KANSL1: variants seen among roughly 807,000 people sequenced by gnomAD.
KANSL1 encodes MLL1/MLL complex subunit KANSL1.
A neutral mutation model predicts 103.6 loss-of-function variants in KANSL1; 22 were observed. The ratio of observed to expected loss-of-function variants is 0.21; its 90% CI spans 0.15 to 0.30. KANSL1 has a LOEUF of 0.30. Among genes scored for constraint, KANSL1 ranks in the 10% least tolerant of loss-of-function variants. The probability of loss-of-function intolerance (pLI) is 1.00; values close to 1 mark genes in which losing one functional copy is unlikely to be tolerated. For synonymous variants in KANSL1, 600 were observed against 527.6 expected (o/e 1.14, Z -1.88); for missense variants, 1,337 against 1,399.8 (o/e 0.96, Z 0.72).
At chr17:46,145,589 T>C (rs1312112623) in intron 2 of KANSL1, among the ~76,000 whole-genome samples, 1 of 152,204 alleles carries the variant, frequency 6.6e-6, no homozygotes, top group Non-Finnish European at 1.5e-5. Context: ...TTTTATAAGA[T>C]CATGTTTGAA....
rs147877861 is a variant in KANSL1, at chr17:46,038,381, T to G, written c.2541+157A>C. 4,239 of 765,326 alleles carry G rather than the reference T, an allele frequency of 5.5e-3. 17 individuals carry two copies. The highest frequency in any genetic ancestry group is 7.2e-3 in the Non-Finnish European group (3,515 of 489,408). 47.4% of individuals were successfully genotyped at this position (765,326 alleles called of 1,614,324 possible). A position where few individuals can be genotyped will look rare whatever the true frequency, so the allele number is the denominator to read the frequency against. ...AAGGTCAAGTACCATGACTTTGACT[T>G]AAAAATGGTACAGACATACATACAT... On this transcript the variant is annotated intron_variant, in intron 10 of 14. Transcript: ENST00000432791.
chr17:46,154,103 C>G (rs1247109636), intron 2 of KANSL1, among the ~76,000 whole-genome samples: 2 of 152,192 alleles, frequency 1.3e-5, no homozygotes, highest in Non-Finnish European at 2.9e-5. Context: ...AAAACGATGT[C>G]TAGTTTGGCA....
chr17:46,130,994 A>G (rs923112826), intron 2 of KANSL1, among the ~76,000 whole-genome samples: 21 of 152,220 alleles, frequency 1.4e-4, no homozygotes, highest in African/African-American at 4.8e-4. Context: ...CTCCCAGCAC[A>G]TGAAGAAGAC....
In KANSL1 at chr17:46,172,154, G is replaced by A. The variant is rs751870988; in HGVS notation, c.-11C>T. Reference sequence around the variant, plus strand: ...CGCCATCGCAGCCATTCAGCACAGAGAGACAGGAAGTCCAGCCTCTCCCGA... The same window carrying A: ...CGCCATCGCAGCCATTCAGCACAGAAAGACAGGAAGTCCAGCCTCTCCCGA... On this transcript the variant is annotated 5_prime_UTR_variant, in exon 2 of 15. Transcript: ENST00000432791. 4 of 1,599,492 alleles carry A rather than the reference G, an allele frequency of 2.5e-6. No individual in the cohort carries two copies. Among genetic ancestry groups the A allele is most frequent in the Admixed American group, 1.7e-5 (1 of 59,698 alleles).
chr17:46,135,189 A>T (rs2044066263), intron 2 of KANSL1, among the ~76,000 whole-genome samples: 1 of 152,252 alleles, frequency 6.6e-6, no homozygotes, highest in East Asian at 1.9e-4. Context: ...TTAGAAATAG[A>T]TTCTGAAATA....
At chr17:46,146,079 A>AG (rs2044684669) in intron 2 of KANSL1, among the ~76,000 whole-genome samples, 2 of 152,212 alleles carry the variant, frequency 1.3e-5, no homozygotes, top group Admixed American at 1.3e-4. Flanking sequence ...TCTCTACTCT[A>AG]GCAGCTAAAG....
intron 1 of KANSL1, among the ~76,000 whole-genome samples, chr17:46,176,691 TA>T (rs56676109): frequency 0.26 from 36,896 of 141,250 alleles, 5,271 homozygotes; most frequent in South Asian, 0.51. Context: ...GACTCCATCT[TA>T]AAAAAAAAAA....
At chr17:46,040,787 C>T (rs758532244) in intron 7 of KANSL1, 11 of 152,248 alleles carry the variant, frequency 7.2e-5, no homozygotes, top group Non-Finnish European at 1.2e-4. Flanking sequence ...AATCGACTGA[C>T]GTGGTATCTC....
chr17:46,190,154 T>C (rs2047243401), intron 1 of KANSL1, among the ~76,000 whole-genome samples: 1 of 152,226 alleles, frequency 6.6e-6, no homozygotes, highest in African/African-American at 2.4e-5. Context: ...GAGACACTGG[T>C]TACAATGTAG....
chr17:46,113,867 C>CAAATCT (rs1194388907), intron 2 of KANSL1, among the ~76,000 whole-genome samples: 1 of 152,126 alleles, frequency 6.6e-6, no homozygotes, highest in African/African-American at 2.4e-5. Context: ...GCCATGAGGC[C>CAAATCT]AAATCTAAAT....
At chr17:46,174,080 G>A (rs2046407517) in intron 1 of KANSL1, among the ~76,000 whole-genome samples, 1 of 152,228 alleles carries the variant, frequency 6.6e-6, no homozygotes, top group Admixed American at 6.5e-5. Context: ...GATATTTGCT[G>A]CCAATAATAA....
chr17:46,078,405 G>A (rs1171200733), intron 4 of KANSL1, among the ~76,000 whole-genome samples: 1 of 152,298 alleles, frequency 6.6e-6, no homozygotes, highest in Middle Eastern at 3.4e-3. Flanking sequence ...CCCTAAACAT[G>A]TGCAGGTCAG....
chr17:46,220,417 C>T (rs2429446), intron 1 of KANSL1, among the ~76,000 whole-genome samples: 20,580 of 130,066 alleles, frequency 0.16, no homozygotes, highest in African/African-American at 0.3. Context: ...GGGGTTTCAC[C>T]GTGTTAGCCA....
upstream of KANSL1, chr17:46,196,281 T>A (rs866137489): frequency 2.2e-6 from 1 of 446,062 alleles, no homozygotes; most frequent in Middle Eastern, 3.3e-4. Context: ...ATATTTCAAA[T>A]CACTCTTGGA....
intron 2 of KANSL1, among the ~76,000 whole-genome samples, chr17:46,123,614 C>CA (rs576119293): frequency 1.3e-3 from 193 of 152,314 alleles, no homozygotes; most frequent in African/African-American, 4.4e-3. Flanking sequence ...CTGTATAGAT[C>CA]AAACCAGCCA....
chr17:46,166,672 G>C (rs1359398414), intron 2 of KANSL1, among the ~76,000 whole-genome samples: 2 of 152,088 alleles, frequency 1.3e-5, no homozygotes, highest in African/African-American at 2.4e-5. Context: ...CAAAACACAG[G>C]TTAGCATAAA....
At chr17:46,071,851 T>C (rs1175859214) in intron 4 of KANSL1, among the ~76,000 whole-genome samples, 3 of 151,968 alleles carry the variant, frequency 2.0e-5, no homozygotes, top group Admixed American at 6.6e-5. Context: ...AAAGAAAGAG[T>C]AGAAAAGCTA....
chr17:46,113,418 T>C (rs1052756019), intron 2 of KANSL1, among the ~76,000 whole-genome samples: 5 of 152,106 alleles, frequency 3.3e-5, no homozygotes, highest in African/African-American at 4.8e-5. Flanking sequence ...TAAAAAATAA[T>C]GGAAAAGAAT....
chr17:46,030,432 G>A lies in KANSL1; in HGVS notation c.*1044C>T, dbSNP rs2076976613. 2 of 151,972 alleles carry A rather than the reference G, an allele frequency of 1.3e-5. No homozygotes were observed. The highest frequency in any genetic ancestry group is 4.8e-5 in the African/African-American group (2 of 41,354). 9.4% of individuals were successfully genotyped at this position (151,972 alleles called of 1,614,324 possible). ...TGGTGATGTGATCATACAGGAGACA[G>A]GCACAAGGTTAACAGAGAAGGGTGA... On this transcript the variant is annotated 3_prime_UTR_variant, in exon 15 of 15. Transcript: ENST00000432791.
Sources: gnomAD v4.1 joint callset for allele counts (sites outside exome capture counted in the v4.1 genomes callset) on GRCh38, gnomAD v4.1.1 for gene constraint, MANE v1.5 for transcripts, NCBI Gene and HGNC (gene_info 2026-07-23, HGNC 2026-07-21) for gene names.